YJU2: variants seen among roughly 807,000 people sequenced by gnomAD.
YJU2 encodes splicing factor YJU2.
Under a neutral mutation model 39.6 loss-of-function variants are expected in YJU2, and 28 were observed. That is an observed-to-expected ratio of 0.71 (90% CI 0.52 to 0.97). The LOEUF (loss-of-function observed/expected upper bound fraction) is 0.97, where lower values mean the gene tolerates loss of function less well. Among genes scored for constraint, YJU2 ranks in the 50% least tolerant of loss-of-function variants. The probability of loss-of-function intolerance (pLI) is 0.00; values close to 1 mark genes in which losing one functional copy is unlikely to be tolerated. For missense variants in YJU2, 328 were observed against 430.4 expected, an observed-to-expected ratio of 0.76 and a Z score of 2.11; for synonymous variants, 184 against 182.4, an observed-to-expected ratio of 1.01 and a Z score of -0.07.
At position 4,268,643 on chromosome 19, in the gene YJU2, C is replaced by G. The variant is rs1971137141; in HGVS notation, c.919C>G (p.Leu307Val). ...ACCCCTGACGCCTGGCGCGTCCTCC[C>G]TGAGCCAACTGGGTGCATACCTGGA... ...PTPLTPGASS[L>V]SQLGAYLDSD... Residue 307 changes from leucine (L) to valine (V), a missense_variant, in exon 8 of 8, where the codon CTG becomes GTG. Leu to Val is a conservative substitution (Grantham distance 32). Coordinates refer to ENST00000262962, the MANE Select transcript of YJU2 (RefSeq NM_018074.6). 1.9e-6 allele frequency: 3 copies of G among 1,613,984 alleles called. No individual in the cohort carries two copies. Among genetic ancestry groups the G allele is most frequent in the Non-Finnish European group, 2.5e-6 (3 of 1,179,968 alleles).
intron 3 of YJU2, 77 bp downstream of exon 3, chr19:4,251,248 A>T: frequency 2.9e-6 from 4 of 1,360,298 alleles, no homozygotes; most frequent in Non-Finnish European, 4.1e-6. Flanking sequence ...GGGTTCCTTA[A>T]CTCCAATCCT....
intron 6 of YJU2, among the ~76,000 whole-genome samples, chr19:4,266,797 A>G (rs1016702650): frequency 2.6e-5 from 4 of 152,250 alleles, no homozygotes; most frequent in African/African-American, 7.2e-5. Context: ...CCTGGGCAAC[A>G]TAGCGAGATC....
At chr19:4,248,551 A>T (rs936815512) in intron 1 of YJU2, among the ~76,000 whole-genome samples, 1 of 152,084 alleles carries the variant, frequency 6.6e-6, no homozygotes, top group Non-Finnish European at 1.5e-5. Flanking sequence ...CCCTCTACAG[A>T]ATTGCTGGGG....
At position 4,268,676 on chromosome 19, in the gene YJU2, G is replaced by A. The variant is rs1359576382; in HGVS notation, c.952G>A (p.Asp318Asn). Residue 318 changes from aspartate (D) to asparagine (N), a missense_variant, in exon 8 of 8, where the codon GAC (aspartate) becomes AAC (asparagine). Asp to Asn is a conservative substitution (Grantham distance 23). Transcript: ENST00000262962. ...SQLGAYLDSD[D>N]SNGSN ...ACTGGGTGCATACCTGGACAGTGAC[G>A]ACAGCAACGGCAGCAACTGAGCCCT... 16 of 1,613,462 alleles carry A rather than the reference G, an allele frequency of 9.9e-6. No individual in the cohort carries two copies. Among genetic ancestry groups the A allele is most frequent in the African/African-American group, 4.0e-5 (3 of 75,052 alleles).
intron 4 of YJU2, among the ~76,000 whole-genome samples, chr19:4,255,467 C>T (rs899652407): frequency 6.6e-6 from 1 of 152,048 alleles, no homozygotes; most frequent in African/African-American, 2.4e-5. Context: ...TGGTGGCTCA[C>T]ACCTGTAATC....
rs1568359659 is a variant in YJU2, at chr19:4,247,645, GTGTGTGTGTGTGTGT to G, written c.24+476_24+490del. ...TGTGTGTGTGTGTGTGTGTGTGTGT[GTGTGTGTGTGTGTGT>G]GTGTGTGTGTGTGTGTGTGTGTGTG... On this transcript the variant is annotated intron_variant, in intron 1 of 7. Transcript: ENST00000262962. 2.0e-3 allele frequency among the ~76,000 whole-genome samples: 133 copies of G among 67,678 alleles called. 10 individuals are homozygous for G. The highest frequency in any genetic ancestry group is 3.1e-3 in the African/African-American group (43 of 13,916). 44.4% of individuals were successfully genotyped at this position (67,678 alleles called of 152,430 possible).
chr19:4,260,827 G>A (rs1971064855), intron 5 of YJU2, among the ~76,000 whole-genome samples: 2 of 152,140 alleles, frequency 1.3e-5, no homozygotes, highest in Admixed American at 6.6e-5. Flanking sequence ...CCCAATGGGT[G>A]CTCTGCCCTC....
At chr19:4,263,788 C>A (rs867762459) in intron 6 of YJU2, among the ~76,000 whole-genome samples, 40 of 127,418 alleles carry the variant, frequency 3.1e-4, no homozygotes, top group Middle Eastern at 5.4e-3. Flanking sequence ...CCAGCCTGGG[C>A]AACAGAGTGA....
chr19:4,266,451 G>T (rs929292335), intron 6 of YJU2, among the ~76,000 whole-genome samples: 1 of 152,010 alleles, frequency 6.6e-6, no homozygotes, highest in Non-Finnish European at 1.5e-5. Context: ...CCAAGCACTC[G>T]CTTGGTGAAC....
chr19:4,260,344 C>A (rs1971060583), intron 5 of YJU2, among the ~76,000 whole-genome samples: 1 of 152,024 alleles, frequency 6.6e-6, no homozygotes, highest in Admixed American at 6.6e-5. Flanking sequence ...AGGAGAATTG[C>A]CTGAACCCGG....
intron 5 of YJU2, among the ~76,000 whole-genome samples, chr19:4,260,566 G>T (rs573329723): frequency 6.7e-6 from 1 of 148,566 alleles, no homozygotes; most frequent in African/African-American, 2.5e-5. Context: ...GTGAAACCCC[G>T]TCTCTACTAA....
intron 3 of YJU2, among the ~76,000 whole-genome samples, chr19:4,253,653 C>T (rs1599497501): frequency 6.6e-6 from 1 of 152,144 alleles, no homozygotes. Flanking sequence ...CTGCTAATGT[C>T]ACTTTTCTGT....
Position 4,268,966 on chromosome 19 carries a change from G to A in YJU2, c.*270G>A, listed in dbSNP as rs1282415274. On this transcript the variant is annotated 3_prime_UTR_variant, in exon 8 of 8. Transcript: ENST00000262962. ...TGCTTAGGGCTGCAACATCCCTGGA[G>A]CAGCTTCCAACACTACTTCAGGGTG... 1 of 467,388 alleles carries A rather than the reference G, an allele frequency of 2.1e-6. No homozygotes were observed. The highest frequency in any genetic ancestry group is 3.9e-6 in the Non-Finnish European group (1 of 255,550). The allele number at this position is 467,388 out of a possible 1,614,324, so 29.0% of individuals were successfully genotyped here. A position where few individuals can be genotyped will look rare whatever the true frequency, so the allele number is the denominator to read the frequency against.
rs1165364062 is a variant in YJU2 at position 4,251,139 on chromosome 19, T to G, written c.238T>G (p.Cys80Gly). 3 of 1,613,998 alleles carry G rather than the reference T, an allele frequency of 1.9e-6. No individual in the cohort carries two copies. The highest frequency in any genetic ancestry group is 4.5e-5 in the East Asian group (2 of 44,882). The change falls in exon 3 of 8, where the codon TGC becomes GGC. Residue 80 changes from cysteine (C) to glycine (G), a missense_variant. Physicochemically the swap from Cys to Gly is radical, Grantham distance 159. Coordinates refer to ENST00000262962, the MANE Select transcript of YJU2 (RefSeq NM_018074.6). ...GLPIFRFYIK[C>G]TRCLAEITFK... ...GCCCATCTTCCGCTTTTACATCAAGTGCACGCGCTGCCTGGCAGAGATCAC... is the reference window on the plus strand; with the variant it reads ...GCCCATCTTCCGCTTTTACATCAAGGGCACGCGCTGCCTGGCAGAGATCAC...
chr19:4,252,299 A>C (rs1322759364), intron 3 of YJU2, among the ~76,000 whole-genome samples: 1 of 57,526 alleles, frequency 1.7e-5, no homozygotes, highest in Non-Finnish European at 3.0e-5. Flanking sequence ...AACTCTACTA[A>C]AAAAAAATAC....
In YJU2 at chr19:4,261,241, A is replaced by T. The variant is rs553640027; in HGVS notation, c.588-753A>T. Among the ~76,000 whole-genome samples the T allele has an allele frequency of 1.3e-3, 192 of 152,246 alleles. No homozygotes were observed. In the Middle Eastern group the frequency reaches 0.014, roughly 11 times the overall value. On this transcript the variant is annotated intron_variant, in intron 5 of 7. Transcript: ENST00000262962. ...ATTTTCTTTGAAGCTATATCCCCTG[A>T]TTAGAGTTCTCACACTGTGGTTCTC... is the stretch of plus-strand genomic sequence containing the variant.
At chr19:4,255,217 C>CT (rs1189396068) in intron 4 of YJU2, among the ~76,000 whole-genome samples, 1 of 151,836 alleles carries the variant, frequency 6.6e-6, no homozygotes, top group African/African-American at 2.4e-5. Context: ...AAGCAAGACT[C>CT]TGTCTCAAAA....
intron 4 of YJU2, among the ~76,000 whole-genome samples, chr19:4,255,866 G>T (rs1358120235): frequency 6.6e-6 from 1 of 152,006 alleles, no homozygotes; most frequent in African/African-American, 2.4e-5. Context: ...AATTAACCAG[G>T]CGTGGTGGCA....
Position 4,261,401 on chromosome 19 carries a change from G to C in YJU2, c.588-593G>C, listed in dbSNP as rs565168489. ...AGCTGCTCGGTAGGCTGAGGCTGGA[G>C]AATCGCTTGAACCCAGGAGGCGGAG... On this transcript the variant is annotated intron_variant, in intron 5 of 7. Transcript: ENST00000262962. 4.6e-5 allele frequency among the ~76,000 whole-genome samples: 7 copies of C among 152,220 alleles called. No homozygotes were observed. In the East Asian group the frequency reaches 1.4e-3, roughly 29 times the overall value.
Sources: gnomAD v4.1 joint callset for allele counts (sites outside exome capture counted in the v4.1 genomes callset) on GRCh38, gnomAD v4.1.1 for gene constraint, MANE v1.5 for transcripts, NCBI Gene and HGNC (gene_info 2026-07-23, HGNC 2026-07-21) for gene names.